Variants in NELL1 observed in about 807,000 individuals in gnomAD.
NELL1 encodes the protein protein kinase C-binding protein NELL1.
Under a neutral mutation model 107.4 loss-of-function variants are expected in NELL1, and 76 were observed. The observed-to-expected ratio is 0.71, with a 90% CI of 0.59 to 0.86. The LOEUF (loss-of-function observed/expected upper bound fraction) is 0.86, where lower values mean the gene tolerates loss of function less well. NELL1 is among the 40% of genes least tolerant of loss of function. The pLI is 0.00. For missense variants in NELL1, 1,024 were observed against 1,005.5 expected (o/e 1.02, Z -0.25); for synonymous variants, 353 against 341.2 (o/e 1.03, Z -0.38).
intron 11 of NELL1, among the ~76,000 whole-genome samples, chr11:20,955,436 TTTGGAG>T (rs1851151589): frequency 6.6e-6 from 1 of 152,220 alleles, no homozygotes; most frequent in African/African-American, 2.4e-5. Flanking sequence ...GCACATGGGC[TTTGGAG>T]TTAGCCAGAC....
intron 15 of NELL1, among the ~76,000 whole-genome samples, chr11:21,471,436 G>C (rs1196405490): frequency 6.6e-6 from 1 of 151,988 alleles, no homozygotes; most frequent in Non-Finnish European, 1.5e-5. Flanking sequence ...TTTTCTAGCT[G>C]ATGAACTGGA....
chr11:21,238,047 C>T (rs1858254973), intron 14 of NELL1, among the ~76,000 whole-genome samples: 2 of 152,176 alleles, frequency 1.3e-5, no homozygotes, highest in South Asian at 2.1e-4. Context: ...TTACAGGTAT[C>T]TCAAACCTAG....
chr11:21,233,607 A>G (rs1858121915), intron 14 of NELL1, among the ~76,000 whole-genome samples: 2 of 152,224 alleles, frequency 1.3e-5, no homozygotes, highest in African/African-American at 4.8e-5. Context: ...AAACTATACA[A>G]TATGTTTTGC....
At chr11:21,546,686 AC>A (rs1240784180) in intron 16 of NELL1, among the ~76,000 whole-genome samples, 1 of 152,014 alleles carries the variant, frequency 6.6e-6, no homozygotes, top group Non-Finnish European at 1.5e-5. Context: ...GCCATGTGGA[AC>A]TGTGAGTCAA....
chr11:21,229,076 G>A (rs1160791400), intron 13 of NELL1, among the ~76,000 whole-genome samples: 1 of 152,062 alleles, frequency 6.6e-6, no homozygotes, highest in Non-Finnish European at 1.5e-5. Flanking sequence ...AACGGCCTTA[G>A]TGCAGCACTT....
chr11:21,118,607 G>A (rs953687114), intron 13 of NELL1, among the ~76,000 whole-genome samples: 3 of 152,038 alleles, frequency 2.0e-5, no homozygotes, highest in Non-Finnish European at 2.9e-5. Flanking sequence ...ATTGCCAGAT[G>A]ATTATTTGTT....
chr11:20,913,372 TG>T (rs1210265643), intron 5 of NELL1, among the ~76,000 whole-genome samples: 1 of 152,120 alleles, frequency 6.6e-6, no homozygotes, highest in African/African-American at 2.4e-5. Context: ...ATTTGTTTGG[TG>T]GTGAAGCTGC....
chr11:20,726,300 A>G (rs181529487), intron 2 of NELL1, among the ~76,000 whole-genome samples: 1 of 152,322 alleles, frequency 6.6e-6, no homozygotes, highest in Admixed American at 6.5e-5. Context: ...TTTATTAAAA[A>G]TATTTTATTG....
At chr11:21,474,239 C>T (rs773919533) in intron 15 of NELL1, among the ~76,000 whole-genome samples, 11 of 151,824 alleles carry the variant, frequency 7.2e-5, no homozygotes, top group East Asian at 1.9e-4. Flanking sequence ...TTGGATTTCC[C>T]GTATTTTCTG....
At chr11:21,308,818 C>G (rs371628597) in intron 14 of NELL1, among the ~76,000 whole-genome samples, 7 of 151,766 alleles carry the variant, frequency 4.6e-5, no homozygotes, top group African/African-American at 1.7e-4. Context: ...GCTTAATTTC[C>G]TCCTTGAACC....
chr11:21,007,106 A>G (rs1346437711), intron 12 of NELL1, among the ~76,000 whole-genome samples: 3 of 152,084 alleles, frequency 2.0e-5, no homozygotes, highest in African/African-American at 7.2e-5. Flanking sequence ...TGAGCAAGGA[A>G]GGATTCTATT....
At chr11:20,914,875 C>T (rs779311458) in intron 5 of NELL1, among the ~76,000 whole-genome samples, 6 of 151,974 alleles carry the variant, frequency 3.9e-5, no homozygotes, top group Non-Finnish European at 8.8e-5. Context: ...TGACCTCAGA[C>T]AGTTTTCAAA....
At chr11:20,816,916 T>C (rs185352202) in intron 3 of NELL1, among the ~76,000 whole-genome samples, 39 of 152,334 alleles carry the variant, frequency 2.6e-4, no homozygotes, top group Non-Finnish European at 1.2e-4. Context: ...TTTTTGTTTT[T>C]AGTTTTGTTT....
intron 13 of NELL1, among the ~76,000 whole-genome samples, chr11:21,188,751 G>A (rs1856986830): frequency 6.6e-6 from 1 of 151,840 alleles, no homozygotes; most frequent in Non-Finnish European, 1.5e-5. Flanking sequence ...GTCTGGCTGT[G>A]TAACCTAGGA....
chr11:21,390,292 A>C lies in NELL1; in HGVS notation c.1645+19344A>C, dbSNP rs571854138. Among the ~76,000 whole-genome samples the C allele has an allele frequency of 9.9e-5, 15 of 151,472 alleles. No individual in the cohort carries two copies. In the South Asian group the frequency reaches 3.1e-3, roughly 31 times the overall value. On this transcript the variant is annotated intron_variant, in intron 15 of 19. Transcript: ENST00000357134. ...GTTTTAAAAAGTCAAATAGTTCTAT[A>C]AGATTGGCTATAGCTCCTTGCTCCT...
At chr11:21,308,091 G>T (rs1849647850) in intron 14 of NELL1, among the ~76,000 whole-genome samples, 1 of 151,926 alleles carries the variant, frequency 6.6e-6, no homozygotes, top group African/African-American at 2.4e-5. Context: ...ACTTATCACT[G>T]GGTAACCTTT....
chr11:20,924,167 A>G (rs943380877), intron 7 of NELL1, among the ~76,000 whole-genome samples: 7 of 152,242 alleles, frequency 4.6e-5, no homozygotes, highest in African/African-American at 1.7e-4. Context: ...GTATAAATTC[A>G]GCATGCTAAT....
At chr11:20,775,481 C>G (rs1162609194) in intron 2 of NELL1, among the ~76,000 whole-genome samples, 1 of 3,520 alleles carries the variant, frequency 2.8e-4, no homozygotes, top group South Asian at 0.083. Context: ...ATCTTTTCAC[C>G]ACTCTTTTTG....
intron 4 of NELL1, among the ~76,000 whole-genome samples, chr11:20,872,680 G>GTGTGTC (rs1458067532): frequency 6.8e-6 from 1 of 147,518 alleles, no homozygotes; most frequent in Admixed American, 6.7e-5. Context: ...AGGTGTGTGT[G>GTGTGTC]TGTGTGTGTG....
Sources: gnomAD v4.1 joint callset for allele counts (sites outside exome capture counted in the v4.1 genomes callset) on GRCh38, gnomAD v4.1.1 for gene constraint, MANE v1.5 for transcripts, NCBI Gene and HGNC (gene_info 2026-07-23, HGNC 2026-07-21) for gene names.